The following GRK5 variants were observed in gnomAD, a reference collection of about 807,000 sequenced individuals.
GRK5 encodes G protein-coupled receptor kinase 5.
Under a neutral mutation model 78.4 loss-of-function variants are expected in GRK5, and 40 were observed. That is an observed-to-expected ratio of 0.51 (90% CI 0.40 to 0.66). The LOEUF (loss-of-function observed/expected upper bound fraction) is 0.66. Ranked by LOEUF, GRK5 falls within the 30% of genes least tolerant of loss-of-function variation. The probability of loss-of-function intolerance (pLI) is 0.00; values close to 1 mark genes in which losing one functional copy is unlikely to be tolerated. For synonymous variants in GRK5, 289 were observed against 296.8 expected (o/e 0.97, Z 0.27); for missense variants, 598 against 759.9 (o/e 0.79, Z 2.50).
intron 3 of GRK5, among the ~76,000 whole-genome samples, chr10:119,394,328 C>G (rs1416518203): frequency 0.028 from 233 of 8,378 alleles, 36 homozygotes; most frequent in Middle Eastern, 0.071. Flanking sequence ...GTGTGTGTAT[C>G]TGTGTGTCTG....
At chr10:119,399,768 G>A (rs902895235) in intron 4 of GRK5, among the ~76,000 whole-genome samples, 2 of 152,074 alleles carry the variant, frequency 1.3e-5, no homozygotes, top group African/African-American at 4.8e-5. Context: ...CCATTCTGCT[G>A]AGCACACTTT....
intron 2 of GRK5, among the ~76,000 whole-genome samples, chr10:119,330,857 C>T (rs1002909977): frequency 6.6e-6 from 1 of 152,200 alleles, no homozygotes; most frequent in Non-Finnish European, 1.5e-5. Context: ...CCTACCTCTA[C>T]TAAAAACACA....
chr10:119,396,558 C>A (rs1168680807), intron 3 of GRK5, 137 bp from the exon 4 acceptor site: 3 of 691,266 alleles, frequency 4.3e-6, no homozygotes, highest in Non-Finnish European at 7.5e-6. Context: ...GTCTTCCCCC[C>A]CGGTTTCCTG....
At chr10:119,451,863 CAGG>C (rs1471708360) in intron 13 of GRK5, among the ~76,000 whole-genome samples, 1 of 152,214 alleles carries the variant, frequency 6.6e-6, no homozygotes, top group Non-Finnish European at 1.5e-5. Flanking sequence ...AGCCAAATGT[CAGG>C]AGACTATAAG....
At position 119,336,676 on chromosome 10, in the gene GRK5, G is replaced by A. The variant is rs945165130; in HGVS notation, c.148+10065G>A. Reference sequence around the variant, plus strand: ...CCCTTCAGGCCTGCCTGGCTGGCACGTGAGCTCTTGATTTCATCGTCAGGG... The same window carrying A: ...CCCTTCAGGCCTGCCTGGCTGGCACATGAGCTCTTGATTTCATCGTCAGGG... On this transcript the variant is annotated intron_variant, in intron 2 of 15. Transcript: ENST00000392870. This position sits in a 1 kb window ranked among gnomAD's most constrained non-coding sequence, Gnocchi z 4.5. Among the ~76,000 whole-genome samples, 1 of 152,152 alleles carries A rather than the reference G, an allele frequency of 6.6e-6. No homozygotes were observed. Among genetic ancestry groups the A allele is most frequent in the Admixed American group, 6.5e-5 (1 of 15,274 alleles).
intron 1 of GRK5, among the ~76,000 whole-genome samples, chr10:119,294,076 G>A (rs916261409): frequency 1.3e-5 from 2 of 152,274 alleles, no homozygotes; most frequent in Non-Finnish European, 2.9e-5. Context: ...TTACTTTCAT[G>A]GTGTGAGGAG....
chr10:119,365,694 G>C (rs1480087692), intron 2 of GRK5, among the ~76,000 whole-genome samples: 1 of 152,200 alleles, frequency 6.6e-6, no homozygotes, highest in Non-Finnish European at 1.5e-5. Context: ...TTCCCCACCA[G>C]GAAGATGAGG....
intron 4 of GRK5, 64 bp from the exon 5 acceptor site, chr10:119,423,102 G>A (rs759089038): frequency 2.0e-5 from 23 of 1,123,930 alleles, no homozygotes; most frequent in Non-Finnish European, 3.0e-5. Context: ...AACACCTGTG[G>A]GCAAACCCGG....
At chr10:119,427,857 T>TATCAATATCCCACTGCCATC (rs1852730805) in intron 6 of GRK5, among the ~76,000 whole-genome samples, 2 of 149,382 alleles carry the variant, frequency 1.3e-5, no homozygotes, top group South Asian at 4.2e-4. Context: ...TCACTGCTGT[T>TATCAATATCCCACTGCCATC]ATCAATATCC....
intron 1 of GRK5, among the ~76,000 whole-genome samples, chr10:119,295,610 A>T (rs1850066234): frequency 6.6e-6 from 1 of 152,186 alleles, no homozygotes; most frequent in Admixed American, 6.5e-5. Flanking sequence ...TATATGATGG[A>T]ATACTACTCA....
chr10:119,215,504 G>A (rs60463128), intron 1 of GRK5, among the ~76,000 whole-genome samples: 5,532 of 149,412 alleles, frequency 0.037, 376 homozygotes, highest in African/African-American at 0.13. Flanking sequence ...GGAAGGGGGT[G>A]CGGAGAGTGA....
In GRK5 at chr10:119,366,165, A is replaced by C. The variant is rs1294593351; in HGVS notation, c.149-14650A>C. Among the ~76,000 whole-genome samples the C allele has an allele frequency of 2.0e-5, 3 of 152,240 alleles. No individual in the cohort carries two copies. The East Asian group carries it at 5.8e-4, about 29-fold the overall frequency. On this transcript the variant is annotated intron_variant, in intron 2 of 15. Transcript: ENST00000392870. Reference sequence around the variant, plus strand: ...CAATTCCAACACCCTATTAAAGCCAAGCATTTACTTCTGGACCCCGGGGAC... The same window carrying C: ...CAATTCCAACACCCTATTAAAGCCACGCATTTACTTCTGGACCCCGGGGAC...
In GRK5 at chr10:119,454,789, T is replaced by G. The variant is rs112971266; in HGVS notation, c.1675-180T>G. Among the ~76,000 whole-genome samples, 397 of 152,272 alleles carry G rather than the reference T, an allele frequency of 2.6e-3. 2 individuals are homozygous for G. The highest frequency in any genetic ancestry group is 9.0e-3 in the African/African-American group (373 of 41,568). ...CTGATTGGAGGTTCTGTTAATTCCA[T>G]AGCTCTTCCCAGGTACCTGTGCCTC... On this transcript the variant is annotated intron_variant, in intron 15 of 15. Transcript: ENST00000392870.
chr10:119,265,595 C>G (rs1849482206), intron 1 of GRK5, among the ~76,000 whole-genome samples: 1 of 152,190 alleles, frequency 6.6e-6, no homozygotes, highest in Admixed American at 6.5e-5. Flanking sequence ...ATTGGACTTC[C>G]TAACTTTTAG....
chr10:119,207,820 C>G lies in GRK5; in HGVS notation c.-98C>G, dbSNP rs1450621024. 3 of 1,195,120 alleles carry G rather than the reference C, an allele frequency of 2.5e-6. No homozygotes were observed. The highest frequency in any genetic ancestry group is 3.5e-6 in the Non-Finnish European group (3 of 858,392). 74.0% of individuals were successfully genotyped at this position (1,195,120 alleles called of 1,614,324 possible). ...GGGCTGCTGGCTCCCCCGGCTCCGG[C>G]AGCAGCGGCGGCAGCCCGAGCAGCG... On this transcript the variant is annotated 5_prime_UTR_variant, in exon 1 of 16. Transcript: ENST00000392870.
At chr10:119,308,942 T>A (rs73445478) in intron 1 of GRK5, among the ~76,000 whole-genome samples, 1,644 of 152,346 alleles carry the variant, frequency 0.011, 31 homozygotes, top group African/African-American at 0.036. Context: ...GAAAGGACTC[T>A]TCCCTGAGGG....
intron 2 of GRK5, among the ~76,000 whole-genome samples, chr10:119,354,667 G>T (rs754007942): frequency 3.9e-5 from 6 of 152,158 alleles, no homozygotes; most frequent in Non-Finnish European, 5.9e-5. Flanking sequence ...CTTCCAAAGT[G>T]CTGGGATTGC....
chr10:119,459,476 T>C lies in GRK5; in HGVS notation c.*4409T>C, dbSNP rs7898554. The C allele has an allele frequency of 6.6e-6, 1 of 152,072 alleles. No homozygotes were observed. Among genetic ancestry groups the C allele is most frequent in the African/African-American group, 2.4e-5 (1 of 41,378 alleles). 9.4% of individuals were successfully genotyped at this position (152,072 alleles called of 1,614,324 possible). On this transcript the variant is annotated 3_prime_UTR_variant, in exon 16 of 16. Coordinates refer to ENST00000392870, the MANE Select transcript of GRK5 (RefSeq NM_005308.3). ...ATTTTTGTAACAGTCCCTAAGCGAG[T>C]GTTCTCAATTAGAAGAGTTTAGTGG...
At position 119,423,216 on chromosome 10, in the gene GRK5, G is replaced by A; in HGVS notation, c.390G>A (p.Glu130=). 1 of 1,614,188 alleles carries A rather than the reference G, an allele frequency of 6.2e-7. No homozygotes were observed. The highest frequency in any genetic ancestry group is 8.5e-7 in the Non-Finnish European group (1 of 1,180,016). ...GCCAAGACCTGGTCTCCCAGACGGA[G>A]GAGAAGCTCCTACAGAAGCCGTGCA... is the stretch of plus-strand genomic sequence containing the variant. ...QVGQDLVSQT[E]EKLLQKPCKE... is the part of the protein sequence containing the mutation. The change falls in exon 5 of 16, where the codon GAG becomes GAA. Residue 130 remains glutamate (E), a synonymous_variant. Coordinates refer to ENST00000392870, the MANE Select transcript of GRK5 (RefSeq NM_005308.3).
Sources: allele counts gnomAD v4.1 joint callset (sites outside exome capture counted in the v4.1 genomes callset), GRCh38; gene constraint gnomAD v4.1.1; non-coding constraint Gnocchi (gnomAD v3.1); transcripts MANE v1.5; gene names NCBI Gene and HGNC (gene_info 2026-07-23, HGNC 2026-07-21).